DYNC2H1: variants seen among roughly 807,000 people sequenced by gnomAD.
DYNC2H1 encodes dynein cytoplasmic 2 heavy chain 1, also known as cytoplasmic dynein 2 heavy chain 1.
Under a neutral mutation model 570.0 loss-of-function variants are expected in DYNC2H1, and 410 were observed. The ratio of observed to expected loss-of-function variants is 0.72; its 90% CI spans 0.66 to 0.78. The LOEUF is 0.78. DYNC2H1 is among the 30% of genes least tolerant of loss of function. The pLI, the probability that DYNC2H1 is intolerant of heterozygous loss-of-function variation, is 0.00. For missense variants in DYNC2H1, 4,865 were observed against 5,046.4 expected (o/e 0.96, Z 1.09); for synonymous variants, 1,688 against 1,677.6 (o/e 1.01, Z -0.15).
At position 103,446,879 on chromosome 11, in the gene DYNC2H1, T is replaced by A. The variant is rs975752414; in HGVS notation, c.12457-8307T>A. 5.3e-5 allele frequency among the ~76,000 whole-genome samples: 8 copies of A among 152,108 alleles called. No homozygotes were observed. Among genetic ancestry groups the A allele is most frequent in the Non-Finnish European group, 1.2e-4 (8 of 68,008 alleles). The stretch of plus-strand genomic sequence containing the variant: ...AATAAGTTATAGTTATAAATTATTA[T>A]TAATAATTAAGAGGAGACCTATAAG... On this transcript the variant is annotated intron_variant, in intron 85 of 88. Transcript: ENST00000375735. This position sits in a 1 kb window ranked among gnomAD's most constrained non-coding sequence, Gnocchi z 4.5.
Position 103,129,021 on chromosome 11 carries a change from A to G in DYNC2H1, c.1953+16A>G, listed in dbSNP as rs1425107608. 1.3e-6 allele frequency: 2 copies of G among 1,572,354 alleles called. No homozygotes were observed. Among genetic ancestry groups the G allele is most frequent in the Admixed American group, 1.7e-5 (1 of 57,652 alleles). On this transcript the variant is annotated intron_variant, in intron 13 of 88. Coordinates refer to ENST00000375735, the MANE Select transcript of DYNC2H1 (RefSeq NM_001377.3). This position sits in a 1 kb window ranked among gnomAD's most constrained non-coding sequence, Gnocchi z 4.1. ...GATAATTAAGGTAAATGGGCTTTTAATTTTATTATAATTAGATTTTACATG... is the reference window on the plus strand; with the variant it reads ...GATAATTAAGGTAAATGGGCTTTTAGTTTTATTATAATTAGATTTTACATG...
At chr11:103,193,214 T>A (rs1372015663) in intron 47 of DYNC2H1, among the ~76,000 whole-genome samples, 1 of 152,190 alleles carries the variant, frequency 6.6e-6, no homozygotes, top group Non-Finnish European at 1.5e-5. Flanking sequence ...AGAAGCCTGA[T>A]CATATTAATA....
chr11:103,331,927 G>A (rs1293004281), intron 82 of DYNC2H1, among the ~76,000 whole-genome samples: 1 of 152,086 alleles, frequency 6.6e-6, no homozygotes, highest in African/African-American at 2.4e-5. Context: ...AGGCGTGGTG[G>A]CACGTGCCTG....
At chr11:103,387,456 G>A (rs1358891454) in intron 83 of DYNC2H1, among the ~76,000 whole-genome samples, 1 of 152,180 alleles carries the variant, frequency 6.6e-6, no homozygotes, top group Non-Finnish European at 1.5e-5. Flanking sequence ...TCAGTTGCCT[G>A]TTCTCTCTGA....
chr11:103,434,200 T>C lies in DYNC2H1; in HGVS notation c.12367-1743T>C, dbSNP rs377344460. On this transcript the variant is annotated intron_variant, in intron 84 of 88. Transcript: ENST00000375735. ...TGAATTGCATCCTCTCCTAACCCTG[T>C]AATCCTAAACTGATAGTTTACACCA... Among the ~76,000 whole-genome samples, 5 of 152,208 alleles carry C rather than the reference T, an allele frequency of 3.3e-5. No homozygotes were observed. In the East Asian group the frequency reaches 9.7e-4, roughly 29 times the overall value.
rs372417071 is a variant in DYNC2H1 at position 103,463,486 on chromosome 11, ATGCCT to A, written c.12649-5102_12649-5098del. Among the ~76,000 whole-genome samples the A allele has an allele frequency of 1.5e-3, 234 of 152,332 alleles. 1 individual carries two copies. The highest frequency in any genetic ancestry group is 5.4e-3 in the African/African-American group (225 of 41,592). ...TGTTGCAGGCCTGGAGCAGTGGCTC[ATGCCT>A]GTAATCCCAGCACTTTGGGAGGCTG... is the stretch of plus-strand genomic sequence containing the variant. On this transcript the variant is annotated intron_variant, in intron 87 of 88. Transcript: ENST00000375735.
intron 65 of DYNC2H1, among the ~76,000 whole-genome samples, chr11:103,250,037 T>C (rs1864770527): frequency 6.6e-6 from 1 of 152,116 alleles, no homozygotes; most frequent in Non-Finnish European, 1.5e-5. Context: ...TGATGTTCTA[T>C]CTTTCATTGT....
chr11:103,286,722 T>C (rs533766501), intron 74 of DYNC2H1, among the ~76,000 whole-genome samples: 1 of 152,248 alleles, frequency 6.6e-6, no homozygotes, highest in Admixed American at 6.5e-5. Flanking sequence ...AAAGACCTAA[T>C]AGTGAGTAAC....
At chr11:103,399,138 G>GTTTTTTTTT (rs34549261) in intron 83 of DYNC2H1, among the ~76,000 whole-genome samples, 23 of 113,902 alleles carry the variant, frequency 2.0e-4, no homozygotes, top group Admixed American at 3.0e-4. Context: ...TTCCCACACC[G>GTTTTTTTTT]TTTTTTTTTT....
At chr11:103,435,637 G>GA (rs2135752677) in intron 84 of DYNC2H1, among the ~76,000 whole-genome samples, 1 of 152,130 alleles carries the variant, frequency 6.6e-6, no homozygotes, top group African/African-American at 2.4e-5. Context: ...CTTATAAAAT[G>GA]AATTTGTCAA....
intron 63 of DYNC2H1, among the ~76,000 whole-genome samples, chr11:103,236,783 G>A (rs1449636055): frequency 6.6e-6 from 1 of 151,826 alleles, no homozygotes; most frequent in Non-Finnish European, 1.5e-5. Context: ...ATTCTAAATT[G>A]TATTTCCTAA....
At position 103,188,579 on chromosome 11, in the gene DYNC2H1, C is replaced by T. The variant is rs760795421; in HGVS notation, c.7223C>T (p.Ala2408Val). Residue 2408 changes from alanine (A) to valine (V), a missense_variant, in exon 44 of 89, where the codon GCT (alanine) becomes GTT (valine). Coordinates refer to ENST00000375735, the MANE Select transcript of DYNC2H1 (RefSeq NM_001377.3). ...ATTCAAATTGTGGCTTCTATGTCAG[C>T]TGGAGGAAGACTGGGAAGACATAAA... ...ENIQIVASMS[A>V]GGRLGRHKLT... The T allele has an allele frequency of 1.2e-6, 2 of 1,610,976 alleles. No individual in the cohort carries two copies. The highest frequency in any genetic ancestry group is 4.5e-5 in the East Asian group (2 of 44,636).
chr11:103,236,158 A>C (rs529184128), intron 62 of DYNC2H1, among the ~76,000 whole-genome samples: 1 of 151,988 alleles, frequency 6.6e-6, no homozygotes, highest in Non-Finnish European at 1.5e-5. Flanking sequence ...GAACTTTAAA[A>C]TTCTTTGTGA....
Position 103,156,431 on chromosome 11 carries a change from C to G in DYNC2H1, c.3788C>G (p.Ala1263Gly). 3 of 1,613,574 alleles carry G rather than the reference C, an allele frequency of 1.9e-6. No individual in the cohort carries two copies. The highest frequency in any genetic ancestry group is 1.7e-6 in the Non-Finnish European group (2 of 1,179,716). ...CAAGGTGAAGTTACAATCAGAGAAG[C>G]TTTACGTGAACTTGATCTTTGGGGA... ...RAQGEVTIREALRELDLWGVG... is the reference protein window; with the variant it reads ...RAQGEVTIREGLRELDLWGVG... Residue 1263 changes from alanine to glycine, a missense_variant, in exon 26 of 89, where the codon GCT (alanine) becomes GGT (glycine). Physicochemically the swap from Ala to Gly is moderately conservative, Grantham distance 60. This residue lies in a region of DYNC2H1 where 1,936 missense variants were observed against 1,962.1 expected (regional missense o/e 0.99). Transcript: ENST00000375735.
rs1236527059 is a variant in DYNC2H1 at position 103,311,895 on chromosome 11, G to T, written c.11511G>T (p.Lys3837Asn). Reference sequence around the variant, plus strand: ...TTTTCTAGTCACCTCCAGGTTTAAAGAAGAATTTAATGCGTACTTATGAGT... The same window carrying T: ...TTTTCTAGTCACCTCCAGGTTTAAATAAGAATTTAATGCGTACTTATGAGT... Reference protein sequence around the residue: ...KITYESPPGLKKNLMRTYESW... With the variant: ...KITYESPPGLNKNLMRTYESW... The change falls in exon 79 of 89, where the codon AAG (lysine) becomes AAT (asparagine). Residue 3837 changes from lysine (K) to asparagine (N), a missense_variant. Lys to Asn is a moderately conservative substitution (Grantham distance 94). This residue lies in a region of DYNC2H1 where 2,401 missense variants were observed against 2,454.6 expected (regional missense o/e 0.98). Coordinates refer to ENST00000375735, the MANE Select transcript of DYNC2H1 (RefSeq NM_001377.3). 1 of 1,609,442 alleles carries T rather than the reference G, an allele frequency of 6.2e-7. No homozygotes were observed. Among genetic ancestry groups the T allele is most frequent in the Admixed American group, 1.7e-5 (1 of 59,358 alleles).
In DYNC2H1 at chr11:103,264,518, G is replaced by C. The variant is rs1367385420; in HGVS notation, c.10695+4541G>C. Among the ~76,000 whole-genome samples, 1 of 152,108 alleles carries C rather than the reference G, an allele frequency of 6.6e-6. No individual in the cohort carries two copies. The highest frequency in any genetic ancestry group is 1.5e-5 in the Non-Finnish European group (1 of 68,016). ...AAAGCTTATCCACCACAATCAAGTT[G>C]GCTTCATCCCTGGTTCAACATATGC... is the stretch of plus-strand genomic sequence containing the variant. On this transcript the variant is annotated intron_variant, in intron 70 of 88. Coordinates refer to ENST00000375735, the MANE Select transcript of DYNC2H1 (RefSeq NM_001377.3). This position sits in a 1 kb window ranked among gnomAD's most constrained non-coding sequence, Gnocchi z 4.8.
intron 83 of DYNC2H1, among the ~76,000 whole-genome samples, chr11:103,365,096 C>T (rs893097142): frequency 3.3e-5 from 5 of 152,122 alleles, no homozygotes; most frequent in Non-Finnish European, 5.9e-5. Context: ...TGCGGTGGCT[C>T]ATGCCTGTAA....
rs1865448021 is a variant in DYNC2H1, at chr11:103,264,905, G to C, written c.10695+4928G>C. ...AAGAGAAAGAAATAAAGGGTATTCA[G>C]ATAGGAAGAGAGAAAGTCAAATTGT... On this transcript the variant is annotated intron_variant, in intron 70 of 88. Coordinates refer to ENST00000375735, the MANE Select transcript of DYNC2H1 (RefSeq NM_001377.3). This position sits in a 1 kb window ranked among gnomAD's most constrained non-coding sequence, Gnocchi z 4.8. Among the ~76,000 whole-genome samples the C allele has an allele frequency of 1.3e-5, 2 of 152,140 alleles. No individual in the cohort carries two copies. The highest frequency in any genetic ancestry group is 4.8e-5 in the African/African-American group (2 of 41,432).
intron 63 of DYNC2H1, 104 bp downstream of exon 63, chr11:103,236,643 T>C: frequency 1.8e-6 from 1 of 564,878 alleles, no homozygotes; most frequent in East Asian, 3.1e-5. Flanking sequence ...TACCCTTTTC[T>C]TACTAAAATA....
Sources: gnomAD v4.1 joint callset for allele counts (sites outside exome capture counted in the v4.1 genomes callset) on GRCh38, gnomAD v4.1.1 for gene constraint, gnomAD v4.1.1 regional missense constraint, Gnocchi (gnomAD v3.1) non-coding constraint, MANE v1.5 for transcripts, NCBI Gene and HGNC (gene_info 2026-07-23, HGNC 2026-07-21) for gene names.